TEX11: variants seen among roughly 807,000 people sequenced by gnomAD.
TEX11 encodes the protein testis expressed 11.
A neutral mutation model predicts 84.4 loss-of-function variants in TEX11; 7 were observed. That is an observed-to-expected ratio of 0.08 (90% CI 0.05 to 0.16). The LOEUF (loss-of-function observed/expected upper bound fraction) is 0.16, where lower values mean the gene tolerates loss of function less well. Ranked by LOEUF, TEX11 falls within the 10% of genes least tolerant of loss-of-function variation. The pLI is 1.00. For synonymous variants in TEX11, 264 were observed against 222.8 expected (o/e 1.18, Z -1.64); for missense variants, 551 against 660.5 (o/e 0.83, Z 1.82).
At chrX:70,872,440 C>T (rs1469700977) in intron 4 of TEX11, among the ~76,000 whole-genome samples, 1 of 112,594 alleles carries the variant, frequency 8.9e-6, no homozygotes, top group Non-Finnish European at 1.9e-5. Context: ...TGCATACAGA[C>T]AAAAGTCATT....
At chrX:70,758,914 A>G (rs901076156) in intron 9 of TEX11, among the ~76,000 whole-genome samples, 4 of 111,839 alleles carry the variant, frequency 3.6e-5, no homozygotes, top group African/African-American at 6.5e-5. Context: ...AATAGACACA[A>G]TAAAAAATGA....
intron 15 of TEX11, among the ~76,000 whole-genome samples, chrX:70,674,382 A>G (rs982078784): frequency 2.7e-5 from 3 of 111,864 alleles, no homozygotes; most frequent in Non-Finnish European, 5.6e-5. Flanking sequence ...TGTCTTTATG[A>G]TAGAATGATT....
At chrX:70,536,166 T>TA (rs1377265647) in intron 28 of TEX11, among the ~76,000 whole-genome samples, 1 of 111,489 alleles carries the variant, frequency 9.0e-6, no homozygotes, top group African/African-American at 3.2e-5. Context: ...ATATAGTACT[T>TA]ACTATGTGCT....
At chrX:70,725,693 G>A in intron 11 of TEX11, among the ~76,000 whole-genome samples, 1 of 111,939 alleles carries the variant, frequency 8.9e-6, no homozygotes, top group East Asian at 2.8e-4. Context: ...ATTGACTAAG[G>A]TCCTTTGCAA....
At chrX:70,593,124 A>C (rs1274337940) in intron 24 of TEX11, among the ~76,000 whole-genome samples, 1 of 109,617 alleles carries the variant, frequency 9.1e-6, no homozygotes, top group African/African-American at 3.3e-5. Context: ...GTAATCACCT[A>C]GCAATTAGTC....
chrX:70,559,273 T>A (rs1462619089), intron 25 of TEX11, among the ~76,000 whole-genome samples: 1 of 112,340 alleles, frequency 8.9e-6, no homozygotes, highest in Non-Finnish European at 1.9e-5. Context: ...ACAACATGAA[T>A]GAACTTCAAA....
chrX:70,891,301 C>T (rs760621321), intron 2 of TEX11, among the ~76,000 whole-genome samples: 8 of 111,728 alleles, frequency 7.2e-5, no homozygotes, highest in Non-Finnish European at 1.3e-4. Context: ...GCTGAAAATT[C>T]TAAAAACCAG....
At chrX:70,616,920 G>A (rs1188261700) in intron 20 of TEX11, among the ~76,000 whole-genome samples, 1 of 111,281 alleles carries the variant, frequency 9.0e-6, no homozygotes. Flanking sequence ...TGGTTAATGG[G>A]TACAAAGAAA....
chrX:70,574,142 C>G (rs2088641797), intron 25 of TEX11, among the ~76,000 whole-genome samples: 1 of 111,698 alleles, frequency 9.0e-6, no homozygotes, highest in Non-Finnish European at 1.9e-5. Context: ...ACCAAATCAC[C>G]AAGATTACTT....
At chrX:70,714,432 T>A (rs1200815493) in intron 13 of TEX11, among the ~76,000 whole-genome samples, 2 of 111,496 alleles carry the variant, frequency 1.8e-5, no homozygotes, top group Non-Finnish European at 3.8e-5. Flanking sequence ...AGTCTAAGTC[T>A]CTTTGTAGGT....
chrX:70,773,131 C>T (rs754658978), intron 9 of TEX11, among the ~76,000 whole-genome samples: 26 of 110,773 alleles, frequency 2.3e-4, no homozygotes, highest in Admixed American at 7.7e-4. Flanking sequence ...AGAAAACTTC[C>T]GCAATCTGGA....
At chrX:70,735,850 T>A (rs937506784) in intron 11 of TEX11, among the ~76,000 whole-genome samples, 3 of 112,194 alleles carry the variant, frequency 2.7e-5, no homozygotes, top group African/African-American at 9.7e-5. Context: ...CATTCCCTGA[T>A]AACTAATGAT....
chrX:70,516,789 T>C, the TEX11 span, among the ~76,000 whole-genome samples: 1 of 110,933 alleles, frequency 9.0e-6, no homozygotes, highest in Non-Finnish European at 1.9e-5. Flanking sequence ...TATCCTCTTT[T>C]ATTTCATTGA....
chrX:70,759,016 G>A (rs903228978), intron 9 of TEX11, among the ~76,000 whole-genome samples: 5 of 111,949 alleles, frequency 4.5e-5, no homozygotes, highest in South Asian at 3.7e-4. Context: ...AGAAAATCTA[G>A]AAGAAATGAT....
In TEX11 at chrX:70,564,696, T is replaced by A. The variant is rs773036491; in HGVS notation, c.2141-9896A>T. On this transcript the variant is annotated intron_variant, in intron 25 of 29. Coordinates refer to ENST00000374333, the MANE Select transcript of TEX11 (RefSeq NM_031276.3). ...TGCAATAGTTTACTGAGAATGATGATTTCCAATTTCATCCATGTCCCTACA... is the reference window on the plus strand; with the variant it reads ...TGCAATAGTTTACTGAGAATGATGAATTCCAATTTCATCCATGTCCCTACA... Among the ~76,000 whole-genome samples the A allele has an allele frequency of 4.6e-5, 5 of 107,809 alleles. No homozygotes were observed. In the South Asian group the frequency reaches 1.3e-3, roughly 27 times the overall value. 93.6% of individuals were successfully genotyped at this position (107,809 alleles called of 115,157 possible).
intron 3 of TEX11, among the ~76,000 whole-genome samples, chrX:70,878,190 T>TTTTTA: frequency 9.9e-6 from 1 of 100,904 alleles, no homozygotes; most frequent in African/African-American, 3.6e-5. Context: ...TTTTTTTTTT[T>TTTTTA]GAGACGGAGT....
At chrX:70,573,086 A>T (rs995910577) in intron 25 of TEX11, among the ~76,000 whole-genome samples, 2 of 111,728 alleles carry the variant, frequency 1.8e-5, no homozygotes, top group Non-Finnish European at 3.8e-5. Context: ...GGGAACAGGG[A>T]GATTGGACTG....
chrX:70,874,858 T>C (rs756868901), intron 3 of TEX11, among the ~76,000 whole-genome samples: 1 of 111,320 alleles, frequency 9.0e-6, no homozygotes, highest in East Asian at 2.9e-4. Flanking sequence ...TGTTTGGCAT[T>C]TTGGAAAGCA....
At position 70,607,011 on chromosome X, in the gene TEX11, T is replaced by C; in HGVS notation, c.1898A>G (p.Gln633Arg). 2 of 1,195,896 alleles carry C rather than the reference T, an allele frequency of 1.7e-6. No homozygotes were observed. Among genetic ancestry groups the C allele is most frequent in the Non-Finnish European group, 2.3e-6 (2 of 888,482 alleles). ...CATCATCACTGGATCTTTGTCACAT[T>C]GCACAGCCAAGTTCCAAGCTGGAAA... ...FRKTAWNLAV[Q>R]CDKDPVMMRE... The change falls in exon 23 of 30, where the codon CAA becomes CGA. Residue 633 changes from glutamine to arginine, a missense_variant. Physicochemically the swap from Gln to Arg is conservative, Grantham distance 43. Transcript: ENST00000374333.
Sources: gnomAD v4.1 joint callset for allele counts (sites outside exome capture counted in the v4.1 genomes callset) on GRCh38, gnomAD v4.1.1 for gene constraint, MANE v1.5 for transcripts, NCBI Gene and HGNC (gene_info 2026-07-23, HGNC 2026-07-21) for gene names.